PRPSAP1: variants seen among roughly 807,000 people sequenced by gnomAD.
PRPSAP1 encodes the protein phosphoribosyl pyrophosphate synthetase associated protein 1, also known as phosphoribosyl pyrophosphate synthase-associated protein 1.
PRPSAP1 carries 31 observed loss-of-function variants against 39.4 expected under a neutral mutation model. That is an observed-to-expected ratio of 0.79 (90% CI 0.59 to 1.06). The LOEUF is 1.06. Ranked by LOEUF, PRPSAP1 falls within the 50% of genes least tolerant of loss-of-function variation. PRPSAP1 has a pLI of 0.00. For synonymous variants in PRPSAP1, 212 were observed against 192.6 expected, an observed-to-expected ratio of 1.10 and a Z score of -0.83; for missense variants, 430 against 511.6, an observed-to-expected ratio of 0.84 and a Z score of 1.54.
intron 7 of PRPSAP1, among the ~76,000 whole-genome samples, chr17:76,315,262 C>T (rs407281): frequency 0.48 from 72,597 of 152,132 alleles, 20,979 homozygotes; most frequent in African/African-American, 0.8. Flanking sequence ...ACAAAGACTA[C>T]TTCAGAAGAA....
At chr17:76,314,380 C>G (rs1348689829) in intron 7 of PRPSAP1, 2 of 170,242 alleles carry the variant, frequency 1.2e-5, no homozygotes, top group African/African-American at 4.8e-5. Context: ...CCACACCCAG[C>G]TGAGTTTTGT....
intron 6 of PRPSAP1, among the ~76,000 whole-genome samples, chr17:76,329,727 C>T (rs571616431): frequency 1.3e-5 from 2 of 150,436 alleles, no homozygotes; most frequent in South Asian, 4.2e-4. Flanking sequence ...CAGAATGAAA[C>T]TCCATTTCAA....
At chr17:76,341,277 GC>G (rs1398838271) in intron 3 of PRPSAP1, among the ~76,000 whole-genome samples, 3 of 120,566 alleles carry the variant, frequency 2.5e-5, no homozygotes, top group Non-Finnish European at 4.9e-5. Flanking sequence ...TGGCTCTGTT[GC>G]CCAGGTTAGA....
chr17:76,321,384 G>A (rs896044130), intron 7 of PRPSAP1, among the ~76,000 whole-genome samples: 16 of 151,894 alleles, frequency 1.1e-4, no homozygotes, highest in Admixed American at 9.8e-4. Context: ...GTGAAACCCC[G>A]TCGTTACTAA....
In PRPSAP1 at chr17:76,310,931, A is replaced by G. The variant is rs2071064679; in HGVS notation, c.*611T>C. 6.6e-6 allele frequency: 1 copy of G among 152,170 alleles called. No homozygotes were observed. Among genetic ancestry groups the G allele is most frequent in the Non-Finnish European group, 1.5e-5 (1 of 68,048 alleles). 9.4% of individuals were successfully genotyped at this position (152,170 alleles called of 1,614,324 possible). ...TCTGCTGTCTAATGAAAAGACTAGC[A>G]AGACAACAAATTATTTTATTTGCAA... On this transcript the variant is annotated 3_prime_UTR_variant, in exon 10 of 10. Coordinates refer to ENST00000446526, the MANE Select transcript of PRPSAP1 (RefSeq NM_002766.3).
intron 7 of PRPSAP1, among the ~76,000 whole-genome samples, chr17:76,325,181 G>A (rs62086338): frequency 5.3e-5 from 8 of 151,328 alleles, no homozygotes; most frequent in Admixed American, 3.3e-4. Context: ...AAGCCGAGGC[G>A]GGCGGATCAT....
intron 5 of PRPSAP1, 104 bp from the exon 6 acceptor site, chr17:76,330,202 C>G: frequency 1.0e-6 from 1 of 978,730 alleles, no homozygotes; most frequent in South Asian, 1.5e-5. Flanking sequence ...AACTAGTCAT[C>G]AAATATGCTA....
chr17:76,345,237 T>TAAAAAAAAAA (rs59693380), intron 2 of PRPSAP1, among the ~76,000 whole-genome samples: 5 of 62,198 alleles, frequency 8.0e-5, no homozygotes, highest in African/African-American at 1.6e-4. Context: ...TCCGTCTCAT[T>TAAAAAAAAAA]AAAAAAAAAA....
intron 3 of PRPSAP1, among the ~76,000 whole-genome samples, chr17:76,344,317 G>T (rs1340659647): frequency 1.3e-5 from 2 of 152,010 alleles, no homozygotes; most frequent in African/African-American, 4.8e-5. Flanking sequence ...TTTTAGTGGA[G>T]ACGGGGTTTC....
At chr17:76,332,185 T>C in intron 4 of PRPSAP1, 78 bp downstream of exon 4, 1 of 1,500,204 alleles carries the variant, frequency 6.7e-7, no homozygotes, top group Admixed American at 1.9e-5. Context: ...ATTGGATATC[T>C]GAGGTATGAG....
chr17:76,318,483 T>G (rs1359565945), intron 7 of PRPSAP1, among the ~76,000 whole-genome samples: 1 of 152,074 alleles, frequency 6.6e-6, no homozygotes, highest in African/African-American at 2.4e-5. Flanking sequence ...AATAAAATAG[T>G]TCATCTTCCT....
chr17:76,320,302 A>AG (rs1567799131), intron 7 of PRPSAP1, among the ~76,000 whole-genome samples: 2 of 136,700 alleles, frequency 1.5e-5, no homozygotes, highest in Non-Finnish European at 3.1e-5. Flanking sequence ...AAGAAAGAAA[A>AG]GAAAGGAAGG....
chr17:76,341,339 G>A (rs1398510254), intron 3 of PRPSAP1, among the ~76,000 whole-genome samples: 1 of 147,392 alleles, frequency 6.8e-6, no homozygotes, highest in Non-Finnish European at 1.5e-5. Context: ...CCAGGCTCAA[G>A]CAATCCTCCC....
At chr17:76,333,471 C>G (rs1174508693) in intron 3 of PRPSAP1, among the ~76,000 whole-genome samples, 2 of 151,894 alleles carry the variant, frequency 1.3e-5, no homozygotes, top group East Asian at 1.9e-4. Flanking sequence ...ATGGTGAAAC[C>G]TTGTCTCTAC....
chr17:76,353,896 C>T lies in PRPSAP1; in HGVS notation c.-193G>A. On this transcript the variant is annotated 5_prime_UTR_variant, in exon 1 of 10. Coordinates refer to ENST00000446526, the MANE Select transcript of PRPSAP1 (RefSeq NM_002766.3). The stretch of plus-strand genomic sequence containing the variant: ...GCCGAGCCTTCGCAGCGCCCGGCGC[C>T]GCCGCCTCAGAGCCAGAGGCAAGGC... 1 of 1,328,996 alleles carries T rather than the reference C, an allele frequency of 7.5e-7. No individual in the cohort carries two copies. The highest frequency in any genetic ancestry group is 2.8e-4 in the Middle Eastern group (1 of 3,546). The allele number at this position is 1,328,996 out of a possible 1,614,324, so 82.3% of individuals were successfully genotyped here. A position where few individuals can be genotyped will look rare whatever the true frequency, so the allele number is the denominator to read the frequency against.
chr17:76,337,272 C>T (rs1270540591), intron 3 of PRPSAP1: 2 of 152,228 alleles, frequency 1.3e-5, no homozygotes, highest in African/African-American at 4.8e-5. Flanking sequence ...AAGTCCAGCC[C>T]TTACTGCTCT....
intron 3 of PRPSAP1, among the ~76,000 whole-genome samples, chr17:76,341,728 A>G (rs1194775731): frequency 9.9e-5 from 15 of 152,170 alleles, no homozygotes; most frequent in Non-Finnish European, 5.9e-5. Context: ...TCACGAGGTT[A>G]GGAGATCGAG....
intron 3 of PRPSAP1, among the ~76,000 whole-genome samples, chr17:76,339,102 C>T (rs1024927065): frequency 5.9e-5 from 9 of 151,652 alleles, no homozygotes; most frequent in African/African-American, 2.2e-4. Flanking sequence ...AGTACTCAAG[C>T]ACTACAAAAA....
At chr17:76,326,078 A>G (rs2071254043) in intron 7 of PRPSAP1, among the ~76,000 whole-genome samples, 1 of 152,196 alleles carries the variant, frequency 6.6e-6, no homozygotes, top group Non-Finnish European at 1.5e-5. Flanking sequence ...CACCTACTGC[A>G]ATGGTGCAGA....
Sources: allele counts gnomAD v4.1 joint callset (sites outside exome capture counted in the v4.1 genomes callset), GRCh38; gene constraint gnomAD v4.1.1; transcripts MANE v1.5; gene names NCBI Gene and HGNC (gene_info 2026-07-23, HGNC 2026-07-21).